Variants in PCDHGB4 observed in about 807,000 individuals in gnomAD.
PCDHGB4 encodes protocadherin gamma subfamily B, 4, also known as protocadherin gamma-B4.
In PCDHGB4, 38 loss-of-function variants were observed where a neutral mutation model predicts 60.5. That is an observed-to-expected ratio of 0.63 (90% CI 0.48 to 0.82). The LOEUF is 0.82. PCDHGB4 is among the 40% of genes least tolerant of loss of function. The pLI is 0.00. For missense variants in PCDHGB4, 1,109 were observed against 1,209.6 expected, an observed-to-expected ratio of 0.92 and a Z score of 1.23; for synonymous variants, 456 against 509.7, an observed-to-expected ratio of 0.89 and a Z score of 1.42.
chr5:141,394,238 T>G, intron 1 of PCDHGB4: 1 of 1,613,934 alleles, frequency 6.2e-7, no homozygotes, highest in Non-Finnish European at 8.5e-7. Context: ...TTTCCTTGAC[T>G]GCACACGACC....
At chr5:141,422,729 C>G (rs1352451042) in intron 1 of PCDHGB4, 1 of 1,606,960 alleles carries the variant, frequency 6.2e-7, no homozygotes, top group South Asian at 1.1e-5. Flanking sequence ...CAGGGGGTGC[C>G]TCTGTCCTCC....
chr5:141,438,760 C>T (rs1346379482), intron 1 of PCDHGB4, among the ~76,000 whole-genome samples: 4 of 148,802 alleles, frequency 2.7e-5, no homozygotes, highest in South Asian at 2.1e-4. Context: ...CTCCTGGGTT[C>T]AAGCGATTCT....
chr5:141,421,933 G>A (rs1310432014), intron 1 of PCDHGB4: 1 of 1,613,446 alleles, frequency 6.2e-7, no homozygotes, highest in Non-Finnish European at 8.5e-7. Flanking sequence ...GGTCCTCGAT[G>A]TAAATGATCA....
intron 3 of PCDHGB4, among the ~76,000 whole-genome samples, chr5:141,507,518 A>T (rs1323767789): frequency 6.6e-6 from 1 of 152,132 alleles, no homozygotes; most frequent in African/African-American, 2.4e-5. Flanking sequence ...TGGGGCTATG[A>T]TTCCAGAGAG....
rs201458472 is a variant in PCDHGB4 at position 141,403,860 on chromosome 5, C to T, written c.2397+13579C>T. 1.5e-5 allele frequency: 25 copies of T among 1,613,382 alleles called. No individual in the cohort carries two copies. In the Admixed American group the frequency reaches 2.7e-4, roughly 17 times the overall value. Reference sequence around the variant, plus strand: ...AATGAAAATACTGGGGAAATATCAACAGCAAAAAGTCTAGATTATGAAGAA... The same window carrying T: ...AATGAAAATACTGGGGAAATATCAATAGCAAAAAGTCTAGATTATGAAGAA... On this transcript the variant is annotated intron_variant, in intron 1 of 3. Coordinates refer to ENST00000519479, the MANE Select transcript of PCDHGB4 (RefSeq NM_003736.4).
In PCDHGB4 at chr5:141,487,562, G is replaced by A. The variant is rs140619162; in HGVS notation, c.2398-7245G>A. The A allele has an allele frequency of 7.7e-5, 125 of 1,614,060 alleles. 1 individual carries two copies. The highest frequency in any genetic ancestry group is 5.7e-4 in the Admixed American group (34 of 60,006). On this transcript the variant is annotated intron_variant, in intron 1 of 3. Transcript: ENST00000519479. The surrounding 1 kb of genome is among the most constrained non-coding windows in gnomAD (Gnocchi z 5.0). ...GAAGTCACCCAGTGCACCTATGGCA[G>A]GGGAGCCTGTTCGCCCAAGCTGCCC...
intron 1 of PCDHGB4, chr5:141,398,850 A>T (rs2093714845): frequency 6.2e-7 from 1 of 1,613,864 alleles, no homozygotes; most frequent in East Asian, 2.2e-5. Context: ...ATCCCCCGGT[A>T]TTCAACCGAG....
At position 141,491,798 on chromosome 5, in the gene PCDHGB4, G is replaced by A. The variant is rs1269524283; in HGVS notation, c.2398-3009G>A. 1 of 1,506,648 alleles carries A rather than the reference G, an allele frequency of 6.6e-7. No homozygotes were observed. The highest frequency in any genetic ancestry group is 8.9e-7 in the Non-Finnish European group (1 of 1,128,050). The allele number at this position is 1,506,648 out of a possible 1,614,324, so 93.3% of individuals were successfully genotyped here. ...TTGAACTTGCATCCACTCCTCTCCG[G>A]CCGGCTTGGTCGCTGGCTGCGCTCC... On this transcript the variant is annotated intron_variant, in intron 1 of 3. Coordinates refer to ENST00000519479, the MANE Select transcript of PCDHGB4 (RefSeq NM_003736.4). This position sits in a 1 kb window ranked among gnomAD's most constrained non-coding sequence, Gnocchi z 6.9.
intron 1 of PCDHGB4, among the ~76,000 whole-genome samples, chr5:141,438,511 C>G (rs1436337566): frequency 6.8e-6 from 1 of 146,550 alleles, no homozygotes; most frequent in Non-Finnish European, 1.5e-5. Context: ...AGTGCAAAAC[C>G]AATTATTTTA....
At chr5:141,394,277 T>C (rs1209758237) in intron 1 of PCDHGB4, 1 of 1,613,946 alleles carries the variant, frequency 6.2e-7, no homozygotes, top group South Asian at 1.1e-5. Flanking sequence ...CCCAGGTCAC[T>C]TACTCTGTGA....
At chr5:141,403,838 GA>G (rs751575888) in intron 1 of PCDHGB4, 1 of 1,613,592 alleles carries the variant, frequency 6.2e-7, no homozygotes, top group African/African-American at 1.3e-5. Context: ...CCAGCTTAAT[GA>G]AAATACTGGG....
intron 1 of PCDHGB4, chr5:141,414,951 G>A (rs1411406878): frequency 5.6e-6 from 9 of 1,614,092 alleles, no homozygotes; most frequent in Non-Finnish European, 7.6e-6. Flanking sequence ...GCTACCTGGT[G>A]ACCAAGGTGG....
At position 141,485,880 on chromosome 5, in the gene PCDHGB4, A is replaced by G; in HGVS notation, c.2398-8927A>G. 1 of 1,614,124 alleles carries G rather than the reference A, an allele frequency of 6.2e-7. No individual in the cohort carries two copies. Among genetic ancestry groups the G allele is most frequent in the Non-Finnish European group, 8.5e-7 (1 of 1,180,026 alleles). On this transcript the variant is annotated intron_variant, in intron 1 of 3. Transcript: ENST00000519479. The surrounding 1 kb of genome is among the most constrained non-coding windows in gnomAD (Gnocchi z 5.7). ...CTCCGGGTATCCGTGCTGGACGTAA[A>G]CGACAACGCCCCAGCCTTCCAGCAA... is the stretch of plus-strand genomic sequence containing the variant.
At chr5:141,404,703 C>T (rs545479443) in intron 1 of PCDHGB4, 3 of 1,614,124 alleles carry the variant, frequency 1.9e-6, no homozygotes, top group African/African-American at 2.7e-5. Flanking sequence ...TCTGCAGAGC[C>T]TGGCTACCTG....
Position 141,476,591 on chromosome 5 carries a change from G to T in PCDHGB4, c.2398-18216G>T, listed in dbSNP as rs200254399. The T allele has an allele frequency of 6.2e-7, 1 of 1,614,230 alleles. No homozygotes were observed. The highest frequency in any genetic ancestry group is 8.5e-7 in the Non-Finnish European group (1 of 1,180,046). On this transcript the variant is annotated intron_variant, in intron 1 of 3. Transcript: ENST00000519479. The surrounding 1 kb of genome is among the most constrained non-coding windows in gnomAD (Gnocchi z 7.6). The stretch of plus-strand genomic sequence containing the variant: ...GGGGACGCGCTTTCCGCTCGAGAGC[G>T]CGCACGATCCCGATGTGGGAAGCAA...
chr5:141,388,868 A>G lies in PCDHGB4; in HGVS notation c.984A>G (p.Gln328=), dbSNP rs138074064. The change falls in exon 1 of 4, where the codon CAA becomes CAG. Residue 328 remains glutamine (Q), a synonymous_variant. Transcript: ENST00000519479. ...EARDGGGMIA[Q]CTVEVEVIDE... The stretch of plus-strand genomic sequence containing the variant: ...GGGACGGTGGAGGAATGATTGCGCA[A>G]TGCACAGTGGAGGTAGAAGTCATAG... 208 of 1,613,992 alleles carry G rather than the reference A, an allele frequency of 1.3e-4. 2 individuals are homozygous for G. In the African/African-American group the frequency reaches 2.5e-3, roughly 19 times the overall value.
At chr5:141,427,863 G>A (rs769808388) in intron 1 of PCDHGB4, 1 of 1,557,316 alleles carries the variant, frequency 6.4e-7, no homozygotes, top group Non-Finnish European at 8.8e-7. Context: ...GTGCGCCTTC[G>A]AGCTCACGAT....
intron 1 of PCDHGB4, chr5:141,415,215 C>A: frequency 6.2e-7 from 1 of 1,614,106 alleles, no homozygotes; most frequent in South Asian, 1.1e-5. Flanking sequence ...CGGACCTCGG[C>A]AGCTTCGAGT....
At chr5:141,478,449 C>A in intron 1 of PCDHGB4, 1 of 1,613,540 alleles carries the variant, frequency 6.2e-7, no homozygotes. Context: ...AAACCTGGTG[C>A]AGCCAGTCCA....
Sources: allele counts gnomAD v4.1 joint callset (sites outside exome capture counted in the v4.1 genomes callset), GRCh38; gene constraint gnomAD v4.1.1; non-coding constraint Gnocchi (gnomAD v3.1); transcripts MANE v1.5; gene names NCBI Gene and HGNC (gene_info 2026-07-23, HGNC 2026-07-21).